The following POC1A variants were observed in gnomAD, a reference collection of about 807,000 sequenced individuals.
POC1A encodes the protein POC1 centriolar protein A.
A neutral mutation model predicts 47.8 loss-of-function variants in POC1A; 34 were observed. The ratio of observed to expected loss-of-function variants is 0.71; its 90% CI spans 0.54 to 0.95. POC1A has a LOEUF of 0.95. Ranked by LOEUF, POC1A falls within the 40% of genes least tolerant of loss-of-function variation. The pLI, the probability that POC1A is intolerant of heterozygous loss-of-function variation, is 0.00. For synonymous variants in POC1A, 177 were observed against 207.6 expected (o/e 0.85, Z 1.27); for missense variants, 466 against 528.3 (o/e 0.88, Z 1.16).
At chr3:52,135,858 G>C (rs535171327) in intron 7 of POC1A, among the ~76,000 whole-genome samples, 2 of 152,290 alleles carry the variant, frequency 1.3e-5, no homozygotes, top group African/African-American at 4.8e-5. Flanking sequence ...AGGGGCGCAG[G>C]AATCAGGCCA....
chr3:52,154,263 C>T, intron 1 of POC1A, 92 bp downstream of exon 1: 1 of 1,364,232 alleles, frequency 7.3e-7, no homozygotes, highest in Non-Finnish European at 1.0e-6. Flanking sequence ...TGGCGCCCCG[C>T]CCGCCCCTCG....
chr3:52,097,962 C>G (rs1298648979), intron 9 of POC1A, among the ~76,000 whole-genome samples: 4 of 152,232 alleles, frequency 2.6e-5, no homozygotes, highest in Non-Finnish European at 5.9e-5. Context: ...CCAGCCTTGC[C>G]AGGAGAGACT....
rs2107211771 is a variant in POC1A, at chr3:52,151,000, G to A, written c.103+16C>T. 4.3e-6 allele frequency: 7 copies of A among 1,612,532 alleles called. No homozygotes were observed. The highest frequency in any genetic ancestry group is 5.9e-6 in the Non-Finnish European group (7 of 1,178,822). On this transcript the variant is annotated intron_variant, in intron 2 of 10. Transcript: ENST00000296484. The stretch of plus-strand genomic sequence containing the variant: ...CAGCTCATAACCTAGCACCTAGACA[G>A]GGTGCCTCTTCTTACCCAGCTGCTT...
chr3:52,149,664 A>C lies in POC1A; in HGVS notation c.275+152T>G, dbSNP rs545722248. 4.3e-5 allele frequency: 33 copies of C among 770,300 alleles called. No individual in the cohort carries two copies. In the African/African-American group the frequency reaches 4.9e-4, roughly 11 times the overall value. 47.7% of individuals were successfully genotyped at this position (770,300 alleles called of 1,614,324 possible). On this transcript the variant is annotated intron_variant, in intron 3 of 10. Coordinates refer to ENST00000296484, the MANE Select transcript of POC1A (RefSeq NM_015426.5). ...TTCCAACCCTGAGGGGAGGGCTCCA[A>C]CTGCAGCCCCAGCCTCTGATGGCAC...
At chr3:52,132,931 A>G (rs1001822302) in intron 7 of POC1A, among the ~76,000 whole-genome samples, 2 of 151,978 alleles carry the variant, frequency 1.3e-5, no homozygotes, top group Non-Finnish European at 2.9e-5. Flanking sequence ...GTGTAATCCC[A>G]ACTACTCGGG....
intron 4 of POC1A, among the ~76,000 whole-genome samples, chr3:52,148,408 T>G (rs748769749): frequency 6.6e-6 from 1 of 152,220 alleles, no homozygotes; most frequent in Non-Finnish European, 1.5e-5. Flanking sequence ...GTCCCCAACT[T>G]CTGACTCATG....
Position 52,079,792 on chromosome 3 carries a change from G to T in POC1A, c.1126-3807C>A, listed in dbSNP as rs752821874. Among the ~76,000 whole-genome samples, 4 of 152,194 alleles carry T rather than the reference G, an allele frequency of 2.6e-5. No individual in the cohort carries two copies. The highest frequency in any genetic ancestry group is 5.9e-5 in the Non-Finnish European group (4 of 68,034). On this transcript the variant is annotated intron_variant, in intron 10 of 10. Transcript: ENST00000296484. This position sits in a 1 kb window ranked among gnomAD's most constrained non-coding sequence, Gnocchi z 4.6. The stretch of plus-strand genomic sequence containing the variant: ...CTGGGCAAAGTGGCCAGGAAAGATG[G>T]CCCATCTCCCAGAACTCCCTCTTGC...
At chr3:52,131,524 G>C (rs1704209332) in intron 7 of POC1A, among the ~76,000 whole-genome samples, 2 of 152,168 alleles carry the variant, frequency 1.3e-5, no homozygotes, top group Non-Finnish European at 2.9e-5. Flanking sequence ...TAGGGCACTG[G>C]CACCAGTGCC....
At chr3:52,121,070 G>A (rs936730929) in intron 9 of POC1A, among the ~76,000 whole-genome samples, 2 of 152,210 alleles carry the variant, frequency 1.3e-5, no homozygotes, top group African/African-American at 2.4e-5. Flanking sequence ...AGGCATCTGG[G>A]GAAGGTGACT....
chr3:52,133,171 G>C (rs1389774204), intron 7 of POC1A, among the ~76,000 whole-genome samples: 1 of 152,152 alleles, frequency 6.6e-6, no homozygotes, highest in Admixed American at 6.5e-5. Flanking sequence ...ACTTATGAAA[G>C]GGCTTGACAA....
chr3:52,104,163 T>C lies in POC1A; in HGVS notation c.982-7451A>G, dbSNP rs1263787922. On this transcript the variant is annotated intron_variant, in intron 9 of 10. Transcript: ENST00000296484. ...AAAAGGAATGAACTACTGATACATA[T>C]AACAATGTGGGTCAATCTCAAAATA... Among the ~76,000 whole-genome samples, 7 of 152,272 alleles carry C rather than the reference T, an allele frequency of 4.6e-5. 2 individuals carry two copies. Among genetic ancestry groups the C allele is most frequent in the Non-Finnish European group, 1.5e-5 (1 of 68,008 alleles).
At chr3:52,113,559 C>T (rs139241964) in intron 9 of POC1A, among the ~76,000 whole-genome samples, 12 of 152,150 alleles carry the variant, frequency 7.9e-5, no homozygotes, top group Non-Finnish European at 1.0e-4. Flanking sequence ...AAAAGTTCGC[C>T]GGTGTGGTGG....
At chr3:52,131,562 C>T (rs1268354781) in intron 7 of POC1A, among the ~76,000 whole-genome samples, 2 of 152,218 alleles carry the variant, frequency 1.3e-5, no homozygotes, top group African/African-American at 4.8e-5. Flanking sequence ...ATCCACCAGC[C>T]ATCCTCCAGG....
chr3:52,135,722 C>T (rs1042560475), intron 7 of POC1A, among the ~76,000 whole-genome samples: 1 of 152,168 alleles, frequency 6.6e-6, no homozygotes, highest in Non-Finnish European at 1.5e-5. Context: ...CTGCCCCATA[C>T]GTACTCACAC....
chr3:52,086,997 C>G (rs1024426055), intron 10 of POC1A, among the ~76,000 whole-genome samples: 3 of 152,212 alleles, frequency 2.0e-5, no homozygotes, highest in Non-Finnish European at 2.9e-5. Context: ...TCCCCCAGGC[C>G]AAAGGGCAGG....
At chr3:52,095,557 C>T (rs1702787352) in intron 10 of POC1A, among the ~76,000 whole-genome samples, 1 of 152,136 alleles carries the variant, frequency 6.6e-6, no homozygotes, top group Non-Finnish European at 1.5e-5. Flanking sequence ...CACCTCTTTT[C>T]CTCGTGGGCC....
At chr3:52,139,382 C>A (rs1051482455) in intron 6 of POC1A, among the ~76,000 whole-genome samples, 2 of 152,184 alleles carry the variant, frequency 1.3e-5, no homozygotes, top group African/African-American at 4.8e-5. Context: ...CTCAGGCTAA[C>A]CCCACCATCT....
intron 10 of POC1A, 47 bp from the exon 11 acceptor site, chr3:52,076,032 G>A: frequency 1.4e-6 from 2 of 1,463,854 alleles, no homozygotes; most frequent in Non-Finnish European, 1.9e-6. Context: ...GGGCCGCCAG[G>A]CTGCTCTAGG....
chr3:52,138,377 G>C, intron 6 of POC1A, 75 bp from the exon 7 acceptor site: 6 of 1,499,848 alleles, frequency 4.0e-6, no homozygotes, highest in Non-Finnish European at 5.4e-6. Context: ...CGGGCAATCA[G>C]GGCCAATCGA....
Sources: gnomAD v4.1 joint callset for allele counts (sites outside exome capture counted in the v4.1 genomes callset) on GRCh38, gnomAD v4.1.1 for gene constraint, Gnocchi (gnomAD v3.1) non-coding constraint, MANE v1.5 for transcripts, NCBI Gene and HGNC (gene_info 2026-07-23, HGNC 2026-07-21) for gene names.